Variants in ZSWIM6 observed in about 807,000 individuals in gnomAD.
ZSWIM6 encodes the protein zinc finger SWIM domain-containing protein 6.
A neutral mutation model predicts 113.2 loss-of-function variants in ZSWIM6; 9 were observed. The observed-to-expected ratio is 0.08, with a 90% CI of 0.05 to 0.14. ZSWIM6 has a LOEUF of 0.14. Ranked by LOEUF, ZSWIM6 falls within the 10% of genes least tolerant of loss-of-function variation. The probability of loss-of-function intolerance (pLI) is 1.00; values close to 1 mark genes in which losing one functional copy is unlikely to be tolerated. For synonymous variants in ZSWIM6, 611 were observed against 606.5 expected, an observed-to-expected ratio of 1.01 and a Z score of -0.11; for missense variants, 1,162 against 1,552.2, an observed-to-expected ratio of 0.75 and a Z score of 4.22.
chr5:61,377,922 C>T (rs1000347739), intron 1 of ZSWIM6, among the ~76,000 whole-genome samples: 5 of 152,158 alleles, frequency 3.3e-5, no homozygotes, highest in African/African-American at 7.2e-5. Context: ...GAGGTGCTCA[C>T]TTGATTTATA....
intron 4 of ZSWIM6, among the ~76,000 whole-genome samples, chr5:61,496,913 C>T (rs1748332130): frequency 6.6e-6 from 1 of 152,152 alleles, no homozygotes; most frequent in South Asian, 2.1e-4. Context: ...TATTGCTTCT[C>T]ATGTGCCACG....
chr5:61,355,963 CATA>C (rs1205687445), intron 1 of ZSWIM6, among the ~76,000 whole-genome samples: 58 of 152,160 alleles, frequency 3.8e-4, no homozygotes, highest in Non-Finnish European at 1.0e-4. Flanking sequence ...CCTTTGGTCT[CATA>C]ATAAGTTCTT....
intron 1 of ZSWIM6, among the ~76,000 whole-genome samples, chr5:61,465,220 A>G (rs189805068): frequency 2.6e-3 from 402 of 152,284 alleles, no homozygotes; most frequent in African/African-American, 9.2e-3. Context: ...AAATAATTCA[A>G]ATTCCACCAA....
chr5:61,502,641 C>T (rs936152799), intron 4 of ZSWIM6, among the ~76,000 whole-genome samples: 14 of 152,200 alleles, frequency 9.2e-5, no homozygotes, highest in African/African-American at 3.4e-4. Context: ...CCCCCATCCC[C>T]GGACTGTGGA....
intron 4 of ZSWIM6, among the ~76,000 whole-genome samples, chr5:61,510,467 G>A (rs1649107762): frequency 6.6e-6 from 1 of 151,524 alleles, no homozygotes; most frequent in Admixed American, 6.6e-5. Flanking sequence ...AGACCACTAA[G>A]TGGATTGGAA....
At chr5:61,342,754 T>A (rs1744573939) in intron 1 of ZSWIM6, among the ~76,000 whole-genome samples, 2 of 152,206 alleles carry the variant, frequency 1.3e-5, no homozygotes, top group Admixed American at 1.3e-4. Context: ...TTTAAAAAAA[T>A]TTTGGTTGTC....
chr5:61,516,331 A>G (rs994566171), intron 4 of ZSWIM6, among the ~76,000 whole-genome samples: 2 of 149,324 alleles, frequency 1.3e-5, no homozygotes, highest in Non-Finnish European at 3.0e-5. Flanking sequence ...TGTATCTCCT[A>G]GAATATTTTT....
intron 1 of ZSWIM6, chr5:61,375,903 G>A (rs2112073915): frequency 2.4e-6 from 2 of 821,468 alleles, no homozygotes; most frequent in East Asian, 5.3e-5. Context: ...CAATGTCTGA[G>A]GAAATTTCAA....
intron 7 of ZSWIM6, among the ~76,000 whole-genome samples, chr5:61,529,121 C>T (rs1287966324): frequency 2.0e-5 from 3 of 152,176 alleles, no homozygotes; most frequent in Non-Finnish European, 4.4e-5. Flanking sequence ...GCAAGAGAAT[C>T]GCTTGAACCC....
chr5:61,540,483 G>C (rs1218578864), intron 12 of ZSWIM6, among the ~76,000 whole-genome samples: 4 of 152,092 alleles, frequency 2.6e-5, no homozygotes, highest in Admixed American at 6.6e-5. Flanking sequence ...TCCCCTGATT[G>C]GATAATTAAT....
intron 1 of ZSWIM6, among the ~76,000 whole-genome samples, chr5:61,405,792 G>A (rs1746033111): frequency 6.6e-6 from 1 of 152,060 alleles, no homozygotes; most frequent in African/African-American, 2.4e-5. Context: ...TATGGAAAGG[G>A]GCTCAGAGTT....
intron 1 of ZSWIM6, among the ~76,000 whole-genome samples, chr5:61,346,211 A>G (rs1561200497): frequency 1.3e-5 from 2 of 152,006 alleles, no homozygotes; most frequent in Non-Finnish European, 2.9e-5. Context: ...CTGCCTCCCA[A>G]AGTGCTGGAA....
intron 1 of ZSWIM6, among the ~76,000 whole-genome samples, chr5:61,462,560 T>C (rs1747342021): frequency 6.6e-6 from 1 of 152,172 alleles, no homozygotes. Flanking sequence ...CAAACCATAG[T>C]CCATTATTGT....
intron 1 of ZSWIM6, among the ~76,000 whole-genome samples, chr5:61,360,079 T>C (rs1745001614): frequency 6.6e-6 from 1 of 152,142 alleles, no homozygotes; most frequent in African/African-American, 2.4e-5. Context: ...GAGGATGTTA[T>C]CAAGTGTCAG....
At chr5:61,466,908 A>G (rs550480430) in intron 1 of ZSWIM6, among the ~76,000 whole-genome samples, 4 of 152,348 alleles carry the variant, frequency 2.6e-5, no homozygotes, top group Admixed American at 2.0e-4. Flanking sequence ...ACGTCAATGA[A>G]GAATTAAACA....
chr5:61,367,075 C>T lies in ZSWIM6; in HGVS notation c.676+34127C>T, dbSNP rs1046578718. Among the ~76,000 whole-genome samples the T allele has an allele frequency of 3.3e-5, 5 of 152,240 alleles. No individual in the cohort carries two copies. In the East Asian group the frequency reaches 9.7e-4, roughly 29 times the overall value. ...AGAATTCAACAAGAGCAGTTTGAGG[C>T]CATTTGGTGTGGAGCCATAGCCCCA... On this transcript the variant is annotated intron_variant, in intron 1 of 13. Coordinates refer to ENST00000252744, the MANE Select transcript of ZSWIM6 (RefSeq NM_020928.2).
At chr5:61,415,385 G>T (rs1235067472) in intron 1 of ZSWIM6, among the ~76,000 whole-genome samples, 1 of 152,176 alleles carries the variant, frequency 6.6e-6, no homozygotes, top group African/African-American at 2.4e-5. Flanking sequence ...CTGAGGTCAG[G>T]AGATCGAGGC....
intron 1 of ZSWIM6, among the ~76,000 whole-genome samples, chr5:61,401,522 T>C (rs897998474): frequency 6.6e-6 from 1 of 152,122 alleles, no homozygotes; most frequent in African/African-American, 2.4e-5. Flanking sequence ...TCATAAAATA[T>C]CTCATATATT....
chr5:61,407,732 G>A (rs1366936618), intron 1 of ZSWIM6, among the ~76,000 whole-genome samples: 1 of 152,118 alleles, frequency 6.6e-6, no homozygotes, highest in African/African-American at 2.4e-5. Flanking sequence ...ATAAAAAGAT[G>A]CCCAACTTCG....
Sources: gnomAD v4.1 joint callset for allele counts (sites outside exome capture counted in the v4.1 genomes callset) on GRCh38, gnomAD v4.1.1 for gene constraint, MANE v1.5 for transcripts, NCBI Gene and HGNC (gene_info 2026-07-23, HGNC 2026-07-21) for gene names.